COPG1: variants seen among roughly 807,000 people sequenced by gnomAD.
The protein encoded by COPG1 is coatomer subunit gamma-1.
Under a neutral mutation model 102.8 loss-of-function variants are expected in COPG1, and 29 were observed. The observed-to-expected ratio is 0.28, with a 90% confidence interval of 0.21 to 0.38. The LOEUF is 0.38. COPG1 is among the 10% of genes least tolerant of loss of function. COPG1 has a pLI of 1.00. For synonymous variants in COPG1, 406 were observed against 421.6 expected, an observed-to-expected ratio of 0.96 and a Z score of 0.45; for missense variants, 875 against 1,132.7, an observed-to-expected ratio of 0.77 and a Z score of 3.27.
intron 5 of COPG1, among the ~76,000 whole-genome samples, chr3:129,253,697 A>G (rs2107672848): frequency 6.6e-6 from 1 of 152,332 alleles, no homozygotes; most frequent in Admixed American, 6.5e-5. Context: ...AAGAAATAGT[A>G]GGACAGGACA....
chr3:129,252,143 T>G (rs1939712642), intron 2 of COPG1, 138 bp from the exon 3 acceptor site: 1 of 628,988 alleles, frequency 1.6e-6, no homozygotes, highest in Admixed American at 2.9e-5. Context: ...ACCCTTTCCT[T>G]ATGAAAATAA....
rs1156470781 is a variant in COPG1 at position 129,277,433 on chromosome 3, C to T, written c.*9C>T. On this transcript the variant is annotated 3_prime_UTR_variant, in exon 24 of 24. Transcript: ENST00000314797. The stretch of plus-strand genomic sequence containing the variant: ...TGGCATCTGTGGGATAAGAGGCCAG[C>T]CTGCATAGGACCTCATACCCTTCCC... 2.5e-6 allele frequency: 4 copies of T among 1,613,204 alleles called. No individual in the cohort carries two copies. The highest frequency in any genetic ancestry group is 3.4e-6 in the Non-Finnish European group (4 of 1,179,562).
At position 129,271,606 on chromosome 3, in the gene COPG1, G is replaced by A. The variant is rs1940182780; in HGVS notation, c.1844-161G>A. 6.6e-6 allele frequency among the ~76,000 whole-genome samples: 1 copy of A among 152,154 alleles called. No homozygotes were observed. Among genetic ancestry groups the A allele is most frequent in the South Asian group, 2.1e-4 (1 of 4,828 alleles). ...AAGTCAGGGAGATGAGAAAATGCAT[G>A]GATATATTCAGGAAATAATGAGTAG... On this transcript the variant is annotated intron_variant, in intron 18 of 23. Coordinates refer to ENST00000314797, the MANE Select transcript of COPG1 (RefSeq NM_016128.4). The surrounding 1 kb of genome is among the most constrained non-coding windows in gnomAD (Gnocchi z 4.7).
rs370568965 is a variant in COPG1 at position 129,256,009 on chromosome 3, C to T, written c.493-59C>T. On this transcript the variant is annotated intron_variant, in intron 7 of 23. Coordinates refer to ENST00000314797, the MANE Select transcript of COPG1 (RefSeq NM_016128.4). ...GTCTGAGGGAAGACCAGAACTGGGC[C>T]CAGAATGTGTGATGGGGACACTTCC... is the stretch of plus-strand genomic sequence containing the variant. 75 of 1,479,946 alleles carry T rather than the reference C, an allele frequency of 5.1e-5. 7 individuals are homozygous for T. Among genetic ancestry groups the T allele is most frequent in the Admixed American group, 2.4e-4 (14 of 59,132 alleles). 91.7% of individuals were successfully genotyped at this position (1,479,946 alleles called of 1,614,324 possible). A position where few individuals can be genotyped will look rare whatever the true frequency, so the allele number is the denominator to read the frequency against.
intron 15 of COPG1, 149 bp downstream of exon 15, chr3:129,267,248 A>C: frequency 3.5e-6 from 2 of 573,050 alleles, no homozygotes; most frequent in Non-Finnish European, 6.2e-6. Context: ...ATAGAAAAGC[A>C]TGAAAAACAA....
intron 2 of COPG1, among the ~76,000 whole-genome samples, chr3:129,251,920 GGT>G (rs1939707865): frequency 7.1e-6 from 1 of 141,500 alleles, no homozygotes; most frequent in Non-Finnish European, 1.6e-5. Flanking sequence ...ACTGACCTCA[GGT>G]GATCCACCCG....
At chr3:129,257,096 A>C (rs1299973490) in intron 8 of COPG1, among the ~76,000 whole-genome samples, 1 of 152,228 alleles carries the variant, frequency 6.6e-6, no homozygotes, top group Non-Finnish European at 1.5e-5. Flanking sequence ...CTTACAAAAC[A>C]TGACAATGCT....
chr3:129,249,695 C>T lies in COPG1; in HGVS notation c.-15C>T. On this transcript the variant is annotated 5_prime_UTR_variant, in exon 1 of 24. Transcript: ENST00000314797. ...CGAGCATTGCGTTGCTGCATTGCGC[C>T]CCACCGACTCCACTATGTTGAAGAA... The T allele has an allele frequency of 6.4e-7, 1 of 1,551,256 alleles. No individual in the cohort carries two copies. The highest frequency in any genetic ancestry group is 8.7e-7 in the Non-Finnish European group (1 of 1,146,900).
At chr3:129,261,772 T>C (rs1008259146) in intron 12 of COPG1, among the ~76,000 whole-genome samples, 4 of 152,156 alleles carry the variant, frequency 2.6e-5, no homozygotes, top group African/African-American at 9.7e-5. Context: ...CAAGATGTCA[T>C]GTGGAGACTT....
intron 12 of COPG1, 112 bp downstream of exon 12, chr3:129,260,919 A>C: frequency 1.8e-6 from 2 of 1,105,818 alleles, no homozygotes; most frequent in Non-Finnish European, 2.6e-6. Context: ...GTCAGCCTTG[A>C]GGACTCAGAG....
Position 129,274,937 on chromosome 3 carries a change from G to A in COPG1, c.2356G>A (p.Glu786Lys). 1 of 1,614,192 alleles carries A rather than the reference G, an allele frequency of 6.2e-7. No homozygotes were observed. The highest frequency in any genetic ancestry group is 1.1e-5 in the South Asian group (1 of 91,086). ...TGAGGTAGGGGATGAATTTGAGAAG[G>A]AGGAAACGTTCACCTTGTCTACCAT... Reference protein sequence around the residue: ...WDEVGDEFEKEETFTLSTIKT... With the variant: ...WDEVGDEFEKKETFTLSTIKT... The change falls in exon 22 of 24, where the codon GAG becomes AAG. Residue 786 changes from glutamate to lysine, a missense_variant. Physicochemically the swap from Glu to Lys is moderately conservative, Grantham distance 56 (BLOSUM62 1). Transcript: ENST00000314797.
chr3:129,260,358 C>T lies in COPG1; in HGVS notation c.897C>T (p.Pro299=), dbSNP rs1939902524. The change falls in exon 11 of 24, where the codon CCC becomes CCT. Residue 299 remains proline, a synonymous_variant. Coordinates refer to ENST00000314797, the MANE Select transcript of COPG1 (RefSeq NM_016128.4). ...VSVLQLFCSS[P]KAALRYAAVR... ...TGCTCCAGCTTTTCTGCAGCTCACC[C>T]AAGGCTGCTCTCCGCTATGCTGCTG... 1.9e-6 allele frequency: 3 copies of T among 1,614,056 alleles called. No individual in the cohort carries two copies. The South Asian group carries it at 3.3e-5, about 18-fold the overall frequency.
rs1939720787 is a variant in COPG1, at chr3:129,252,488, G to A, written c.171+127G>A. ...GCTGTAGACAACAGCTCAGCTCTGG[G>A]TCCCCTCAGCATCCAAGTCTCATAT... On this transcript the variant is annotated intron_variant, in intron 3 of 23. Transcript: ENST00000314797. 3.0e-6 allele frequency: 3 copies of A among 1,013,340 alleles called. No individual in the cohort carries two copies. In the East Asian group the frequency reaches 7.1e-5, roughly 24 times the overall value. 62.8% of individuals were successfully genotyped at this position (1,013,340 alleles called of 1,614,324 possible). A position where few individuals can be genotyped will look rare whatever the true frequency, so the allele number is the denominator to read the frequency against.
Position 129,254,714 on chromosome 3 carries a change from G to C in COPG1, c.370G>C (p.Ala124Pro), listed in dbSNP as rs570175744. The C allele has an allele frequency of 3.1e-6, 5 of 1,614,144 alleles. No individual in the cohort carries two copies. The African/African-American group carries it at 4.0e-5, about 13-fold the overall frequency. Residue 124 changes from alanine to proline, a missense_variant, in exon 6 of 24, where the codon GCC becomes CCC. Physicochemically the swap from Ala to Pro is conservative, Grantham distance 27 (BLOSUM62 -1). Coordinates refer to ENST00000314797, the MANE Select transcript of COPG1 (RefSeq NM_016128.4). ...TGKEDNYRGP[A>P]VRALCQITDS... ...GAAAGAAGACAACTACCGGGGCCCG[G>C]CCGTGCGAGCCCTCTGCCAGATCAC...
chr3:129,260,940 G>A, intron 12 of COPG1, 133 bp downstream of exon 12: 1 of 878,152 alleles, frequency 1.1e-6, no homozygotes, highest in Non-Finnish European at 1.7e-6. Flanking sequence ...GAGGCCAGCA[G>A]TTTGCTCTGC....
chr3:129,263,984 C>T lies in COPG1; in HGVS notation c.1209C>T (p.Thr403=). 4 of 1,613,952 alleles carry T rather than the reference C, an allele frequency of 2.5e-6. No individual in the cohort carries two copies. Among genetic ancestry groups the T allele is most frequent in the Non-Finnish European group, 3.4e-6 (4 of 1,179,868 alleles). Residue 403 remains threonine, a synonymous_variant, in exon 13 of 24, where the codon ACC becomes ACT. Transcript: ENST00000314797. ...CCGTCCTTATGAACTTCCTGTTCAC[C>T]ATGCTGCGGGAAGAGGTAAGAGTCA... ...KHAVLMNFLF[T]MLREEGGFEY...
intron 7 of COPG1, among the ~76,000 whole-genome samples, chr3:129,255,506 AGAG>A (rs1229470537): frequency 8.3e-6 from 1 of 120,844 alleles, no homozygotes. Context: ...TTTTTGAGAC[AGAG>A]TCTCACTCTG....
In COPG1 at chr3:129,260,528, C is replaced by G. The variant is rs546335559; in HGVS notation, c.940-91C>G. 9.4e-5 allele frequency: 142 copies of G among 1,516,172 alleles called. 1 individual carries two copies. The highest frequency in any genetic ancestry group is 5.4e-6 in the Non-Finnish European group (6 of 1,101,432). The allele number at this position is 1,516,172 out of a possible 1,614,324, so 93.9% of individuals were successfully genotyped here. A position where few individuals can be genotyped will look rare whatever the true frequency, so the allele number is the denominator to read the frequency against. On this transcript the variant is annotated intron_variant, in intron 11 of 23. Transcript: ENST00000314797. ...AGTTTCTTCTAGATGGTGAGATGAT[C>G]TCATCCAAAGGACTTCTGACTGGGC...
intron 7 of COPG1, among the ~76,000 whole-genome samples, chr3:129,255,795 TTTCTGTA>T (rs1399683300): frequency 3.9e-5 from 6 of 152,184 alleles, no homozygotes; most frequent in African/African-American, 1.4e-4. Context: ...AAATAAAGTA[TTTCTGTA>T]TCTGTAAGCC....
Sources: gnomAD v4.1 joint callset for allele counts (sites outside exome capture counted in the v4.1 genomes callset) on GRCh38, gnomAD v4.1.1 for gene constraint, Gnocchi (gnomAD v3.1) non-coding constraint, MANE v1.5 for transcripts, NCBI Gene and HGNC (gene_info 2026-07-23, HGNC 2026-07-21) for gene names.